Variants in ARHGAP39 observed in about 807,000 individuals in gnomAD.
ARHGAP39 encodes Rho GTPase activating protein 39.
In ARHGAP39, 44 loss-of-function variants were observed where a neutral mutation model predicts 106.9. That is an observed-to-expected ratio of 0.41 (90% CI 0.32 to 0.53). The LOEUF (loss-of-function observed/expected upper bound fraction) is 0.53, where lower values mean the gene tolerates loss of function less well. Ranked by LOEUF, ARHGAP39 falls within the 20% of genes least tolerant of loss-of-function variation. ARHGAP39 has a pLI of 0.21. For missense variants in ARHGAP39, 1,496 were observed against 1,577.3 expected (o/e 0.95, Z 0.87); for synonymous variants, 768 against 693.2 (o/e 1.11, Z -1.69).
intron 1 of ARHGAP39, among the ~76,000 whole-genome samples, chr8:144,619,046 GGA>G (rs1373348642): frequency 1.3e-5 from 2 of 152,240 alleles, no homozygotes; most frequent in Non-Finnish European, 2.9e-5. Flanking sequence ...GTGGACACAG[GGA>G]GCAGGACAGG....
At position 144,667,974 on chromosome 8, in the gene ARHGAP39, C is replaced by T. The variant is rs576168725; in HGVS notation, c.-82+17712G>A. Among the ~76,000 whole-genome samples, 3 of 151,368 alleles carry T rather than the reference C, an allele frequency of 2.0e-5. No homozygotes were observed. In the South Asian group the frequency reaches 6.3e-4, roughly 32 times the overall value. On this transcript the variant is annotated intron_variant, in intron 1 of 11. Coordinates refer to ENST00000377307, the MANE Select transcript of ARHGAP39 (RefSeq NM_025251.3). ...ACAAAGCAATGTTCAAACCATTGGG[C>T]GAGCTGAAAATGCCAGTATGTGCTT...
chr8:144,691,719 G>A, the ARHGAP39 span, among the ~76,000 whole-genome samples: 15 of 152,124 alleles, frequency 9.9e-5, no homozygotes, highest in African/African-American at 3.1e-4. Context: ...TAGTCAGCTC[G>A]GGGGCTCTTT....
intron 2 of ARHGAP39, among the ~76,000 whole-genome samples, chr8:144,601,104 GAC>G (rs2130932090): frequency 7.1e-6 from 1 of 141,788 alleles, no homozygotes; most frequent in Admixed American, 7.1e-5. Context: ...AGGTGTGTGT[GAC>G]CTCATGTACC....
At chr8:144,653,142 A>G (rs149594342) in intron 1 of ARHGAP39, among the ~76,000 whole-genome samples, 2 of 152,226 alleles carry the variant, frequency 1.3e-5, no homozygotes, top group East Asian at 3.9e-4. Flanking sequence ...GACTAAAAAT[A>G]CAAAATAGCT....
chr8:144,688,449 C>G (rs1390939017), upstream of ARHGAP39, among the ~76,000 whole-genome samples: 2 of 152,014 alleles, frequency 1.3e-5, no homozygotes, highest in South Asian at 2.1e-4. Flanking sequence ...AATCTAAAGT[C>G]CCCACTAATG....
At chr8:144,560,776 G>A (rs1037824109) in intron 3 of ARHGAP39, among the ~76,000 whole-genome samples, 5 of 152,136 alleles carry the variant, frequency 3.3e-5, no homozygotes, top group Admixed American at 6.5e-5. Context: ...GGAGCATGAC[G>A]TCAACACTAC....
chr8:144,553,367 C>T (rs1378807010), intron 4 of ARHGAP39, among the ~76,000 whole-genome samples: 1 of 152,194 alleles, frequency 6.6e-6, no homozygotes, highest in Non-Finnish European at 1.5e-5. Context: ...AACCAGTCTA[C>T]AAGTGCAACT....
chr8:144,673,275 G>GC (rs1201026707), intron 1 of ARHGAP39, among the ~76,000 whole-genome samples: 3 of 151,168 alleles, frequency 2.0e-5, no homozygotes, highest in African/African-American at 7.3e-5. Context: ...CCTTGCCACA[G>GC]CCCCCAAGAA....
chr8:144,548,432 A>T lies in ARHGAP39; in HGVS notation c.654T>A (p.Ala218=). ...CGGCGAGGAAGCTGGGCTCCCGATC[A>T]GCGACCTTGATGAGCATGCGCTCTT... is the stretch of plus-strand genomic sequence containing the variant. ...GAKERMLIKV[A]DREPSFLAAQ... Residue 218 remains alanine, a synonymous_variant, in exon 5 of 12, where the codon GCT becomes GCA. Transcript: ENST00000377307. The surrounding 1 kb of genome is among the most constrained non-coding windows in gnomAD (Gnocchi z 7.4). The T allele has an allele frequency of 6.2e-7, 1 of 1,610,888 alleles. No individual in the cohort carries two copies. The highest frequency in any genetic ancestry group is 8.5e-7 in the Non-Finnish European group (1 of 1,179,648).
Position 144,547,820 on chromosome 8 carries a change from G to T in ARHGAP39, c.1266C>A (p.Pro422=). ...AGPRHKYAPN[P]GGGSYSLQPS... ...GCTGCAAGGAGTACGAACCACCGCC[G>T]GGGTTGGGCGCGTACTTGTGCCGCG... The change falls in exon 5 of 12, where the codon CCC becomes CCA. Residue 422 remains proline (P), a synonymous_variant. Coordinates refer to ENST00000377307, the MANE Select transcript of ARHGAP39 (RefSeq NM_025251.3). This position sits in a 1 kb window ranked among gnomAD's most constrained non-coding sequence, Gnocchi z 5.2. 6.3e-7 allele frequency: 1 copy of T among 1,591,210 alleles called. No homozygotes were observed.
intron 1 of ARHGAP39, among the ~76,000 whole-genome samples, chr8:144,654,877 C>T (rs1004677440): frequency 6.6e-6 from 1 of 151,996 alleles, no homozygotes; most frequent in African/African-American, 2.4e-5. Flanking sequence ...CTGCAACCGC[C>T]CAAACCATGG....
At chr8:144,574,304 G>A (rs1298180605) in intron 3 of ARHGAP39, among the ~76,000 whole-genome samples, 2 of 152,170 alleles carry the variant, frequency 1.3e-5, no homozygotes, top group African/African-American at 2.4e-5. Flanking sequence ...GGAGGCCGAG[G>A]TGGGAGGATC....
At chr8:144,692,474 ACAGTG>A in the ARHGAP39 span, among the ~76,000 whole-genome samples, 1 of 152,212 alleles carries the variant, frequency 6.6e-6, no homozygotes, top group African/African-American at 2.4e-5. Context: ...AGCAGGTCTC[ACAGTG>A]AAGCGATTAC....
upstream of ARHGAP39, among the ~76,000 whole-genome samples, chr8:144,690,751 C>T (rs1019538529): frequency 2.0e-5 from 3 of 151,012 alleles, no homozygotes; most frequent in Admixed American, 6.6e-5. Flanking sequence ...CTCTGGTGAT[C>T]CTCCTGCCTC....
At chr8:144,657,092 C>T (rs1370629532) in intron 1 of ARHGAP39, among the ~76,000 whole-genome samples, 1 of 151,832 alleles carries the variant, frequency 6.6e-6, no homozygotes, top group Non-Finnish European at 1.5e-5. Context: ...TAAAATTAAA[C>T]ATTTAAGAAA....
At chr8:144,618,655 G>A (rs1374703421) in intron 1 of ARHGAP39, among the ~76,000 whole-genome samples, 4 of 152,160 alleles carry the variant, frequency 2.6e-5, no homozygotes, top group Admixed American at 1.3e-4. Flanking sequence ...CCCCTCTGCC[G>A]GGGCTGCCGC....
chr8:144,642,435 T>C (rs1821335230), intron 1 of ARHGAP39, among the ~76,000 whole-genome samples: 1 of 151,542 alleles, frequency 6.6e-6, no homozygotes, highest in Non-Finnish European at 1.5e-5. Context: ...TGCAGTGAGC[T>C]GACATCATGC....
chr8:144,660,417 A>G (rs1277190966), intron 1 of ARHGAP39, among the ~76,000 whole-genome samples: 2 of 152,222 alleles, frequency 1.3e-5, no homozygotes, highest in Admixed American at 6.5e-5. Context: ...CGTGATAAGC[A>G]TTCACTGGTG....
At position 144,547,385 on chromosome 8, in the gene ARHGAP39, G is replaced by A. The variant is rs745420594; in HGVS notation, c.1701C>T (p.His567=). 1.3e-5 allele frequency: 21 copies of A among 1,597,656 alleles called. No homozygotes were observed. Among genetic ancestry groups the A allele is most frequent in the Non-Finnish European group, 1.7e-6 (2 of 1,177,740 alleles). ...ARLAWEAQQA[H]FHMKQRSSWD... ...AGCTGCTCCTCTGCTTCATGTGGAAGTGGGCCTGCTGCGCCTCCCAGGCCA... is the reference window on the plus strand; with the variant it reads ...AGCTGCTCCTCTGCTTCATGTGGAAATGGGCCTGCTGCGCCTCCCAGGCCA... Residue 567 remains histidine (H), a synonymous_variant, in exon 5 of 12, where the codon CAC becomes CAT. Coordinates refer to ENST00000377307, the MANE Select transcript of ARHGAP39 (RefSeq NM_025251.3). The surrounding 1 kb of genome is among the most constrained non-coding windows in gnomAD (Gnocchi z 5.2).
Sources: allele counts gnomAD v4.1 joint callset (sites outside exome capture counted in the v4.1 genomes callset), GRCh38; gene constraint gnomAD v4.1.1; non-coding constraint Gnocchi (gnomAD v3.1); transcripts MANE v1.5; gene names NCBI Gene and HGNC (gene_info 2026-07-23, HGNC 2026-07-21).